MGAT4C: variants seen among roughly 807,000 people sequenced by gnomAD.
MGAT4C encodes alpha-1,3-mannosyl-glycoprotein 4-beta-N-acetylglucosaminyltransferase C.
Under a neutral mutation model 40.1 loss-of-function variants are expected in MGAT4C, and 19 were observed. The ratio of observed to expected loss-of-function variants is 0.47; its 90% CI spans 0.33 to 0.70. The LOEUF (loss-of-function observed/expected upper bound fraction) is 0.70, where lower values mean the gene tolerates loss of function less well. Among genes scored for constraint, MGAT4C ranks in the 30% least tolerant of loss-of-function variants. MGAT4C has a pLI of 0.02. For synonymous variants in MGAT4C, 181 were observed against 187.1 expected, an observed-to-expected ratio of 0.97 and a Z score of 0.27; for missense variants, 491 against 563.2, an observed-to-expected ratio of 0.87 and a Z score of 1.30.
At chr12:86,807,483 C>T (rs1952380647) in intron 1 of MGAT4C, among the ~76,000 whole-genome samples, 1 of 152,006 alleles carries the variant, frequency 6.6e-6, no homozygotes, top group Non-Finnish European at 1.5e-5. Flanking sequence ...GCATAGTATT[C>T]CATAGTGTAT....
chr12:86,313,082 G>A (rs922010276), intron 4 of MGAT4C, among the ~76,000 whole-genome samples: 8 of 152,096 alleles, frequency 5.3e-5, no homozygotes, highest in Non-Finnish European at 1.2e-4. Context: ...TAATGTCTAT[G>A]ATAATCAACA....
At chr12:86,726,340 A>G (rs1025026796) in intron 2 of MGAT4C, among the ~76,000 whole-genome samples, 2 of 152,238 alleles carry the variant, frequency 1.3e-5, no homozygotes, top group Admixed American at 1.3e-4. Context: ...TATGCAGGTG[A>G]CAGGTCTGAT....
chr12:86,811,768 C>A (rs1317841245), intron 1 of MGAT4C, among the ~76,000 whole-genome samples: 2 of 151,294 alleles, frequency 1.3e-5, no homozygotes, highest in East Asian at 3.9e-4. Context: ...ATTTGAAGAA[C>A]CAGTGTTCAT....
At chr12:86,525,623 A>C (rs1958867575) in intron 2 of MGAT4C, among the ~76,000 whole-genome samples, 1 of 152,070 alleles carries the variant, frequency 6.6e-6, no homozygotes, top group Non-Finnish European at 1.5e-5. Context: ...TTTCTTTTTT[A>C]ATCGTATTTG....
intron 3 of MGAT4C, among the ~76,000 whole-genome samples, chr12:86,411,965 C>A (rs575130756): frequency 6.6e-6 from 1 of 152,206 alleles, no homozygotes; most frequent in East Asian, 1.9e-4. Context: ...CAGGCCACTG[C>A]TCCAAAGAGT....
chr12:86,115,243 TG>T (rs1163759850), intron 1 of MGAT4C, among the ~76,000 whole-genome samples: 3 of 151,838 alleles, frequency 2.0e-5, no homozygotes, highest in Non-Finnish European at 4.4e-5. Flanking sequence ...TATGACAATG[TG>T]GAGATAATGA....
chr12:86,616,455 G>C (rs909016636), intron 2 of MGAT4C, among the ~76,000 whole-genome samples: 2 of 152,102 alleles, frequency 1.3e-5, no homozygotes, highest in African/African-American at 4.8e-5. Flanking sequence ...GTAAGAATGA[G>C]AGCAAGAAGA....
chr12:86,524,452 C>T (rs1033514835), intron 2 of MGAT4C, among the ~76,000 whole-genome samples: 4 of 152,006 alleles, frequency 2.6e-5, no homozygotes, highest in Admixed American at 1.3e-4. Context: ...GTCTGATGAG[C>T]TTCCCTTTCT....
At chr12:86,260,961 T>C (rs1417654224), upstream of MGAT4C, among the ~76,000 whole-genome samples, 1 of 151,996 alleles carries the variant, frequency 6.6e-6, no homozygotes, top group African/African-American at 2.4e-5. Context: ...GAAAGGTTTG[T>C]TCATTAAACA....
intron 2 of MGAT4C, among the ~76,000 whole-genome samples, chr12:86,021,725 A>T (rs61931105): frequency 0.071 from 10,779 of 152,122 alleles, 537 homozygotes; most frequent in Middle Eastern, 0.23. Context: ...GTACCCTAAA[A>T]CTTAGAGTAT....
At position 86,147,250 on chromosome 12, in the gene MGAT4C, T is replaced by G. The variant is rs971718283; in HGVS notation, c.-56-97527A>C. 6.6e-5 allele frequency among the ~76,000 whole-genome samples: 10 copies of G among 152,252 alleles called. No individual in the cohort carries two copies. The East Asian group carries it at 1.5e-3, about 24-fold the overall frequency. ...AAGATAGCAGAAATTTATTAAATTT[T>G]TTTTTTTTTGAGACGTAGTCTCGCT... On this transcript the variant is annotated intron_variant, in intron 1 of 4. Transcript: ENST00000611864.
At chr12:86,471,983 C>A (rs938437910) in intron 2 of MGAT4C, among the ~76,000 whole-genome samples, 7 of 152,050 alleles carry the variant, frequency 4.6e-5, no homozygotes, top group Admixed American at 3.3e-4. Context: ...CATGTTATTT[C>A]TTTTAAGTGC....
At chr12:86,241,332 T>G (rs188329181) in intron 1 of MGAT4C, among the ~76,000 whole-genome samples, 1 of 152,268 alleles carries the variant, frequency 6.6e-6, no homozygotes, top group Admixed American at 6.5e-5. Flanking sequence ...TCTCATCCCA[T>G]CTTTACTACT....
chr12:86,639,309 T>C, intron 2 of MGAT4C, among the ~76,000 whole-genome samples: 1 of 151,802 alleles, frequency 6.6e-6, no homozygotes. Flanking sequence ...ATTTTAATAC[T>C]AATTCTATTT....
chr12:86,023,018 G>C (rs1889913455), intron 2 of MGAT4C, among the ~76,000 whole-genome samples: 1 of 152,046 alleles, frequency 6.6e-6, no homozygotes, highest in Non-Finnish European at 1.5e-5. Flanking sequence ...TTATAAAGTT[G>C]TTGATTTTTC....
At chr12:86,415,866 T>C (rs1242394804) in intron 3 of MGAT4C, among the ~76,000 whole-genome samples, 3 of 152,048 alleles carry the variant, frequency 2.0e-5, no homozygotes, top group Admixed American at 2.0e-4. Flanking sequence ...TGTTGATCAT[T>C]AGCAATCTTT....
intron 2 of MGAT4C, among the ~76,000 whole-genome samples, chr12:86,022,896 T>C (rs1889896387): frequency 6.6e-6 from 1 of 152,030 alleles, no homozygotes; most frequent in Admixed American, 6.6e-5. Context: ...TTTCAGAGAA[T>C]ATTACATAGA....
intron 2 of MGAT4C, among the ~76,000 whole-genome samples, chr12:86,464,563 G>A (rs935086148): frequency 2.6e-5 from 4 of 151,996 alleles, no homozygotes; most frequent in African/African-American, 7.2e-5. Flanking sequence ...TCAAATTTCT[G>A]CAGATGTTCT....
intron 2 of MGAT4C, among the ~76,000 whole-genome samples, chr12:86,648,125 GT>G (rs534813217): frequency 2.1e-3 from 325 of 151,732 alleles, no homozygotes; most frequent in African/African-American, 7.4e-3. Context: ...TTCAATCTAG[GT>G]TTATGTTTAG....
Sources: gnomAD v4.1 joint callset for allele counts (sites outside exome capture counted in the v4.1 genomes callset) on GRCh38, gnomAD v4.1.1 for gene constraint, MANE v1.5 for transcripts, NCBI Gene and HGNC (gene_info 2026-07-23, HGNC 2026-07-21) for gene names.